Variants in WDR33 observed in about 807,000 individuals in gnomAD.
The protein encoded by WDR33 is pre-mRNA 3' end processing protein WDR33.
WDR33 carries 47 observed loss-of-function variants against 164.9 expected under a neutral mutation model. The observed-to-expected ratio is 0.29, with a 90% confidence interval of 0.23 to 0.36. WDR33 has a LOEUF of 0.36. Ranked by LOEUF, WDR33 falls within the 10% of genes least tolerant of loss-of-function variation. The pLI is 1.00. For missense variants in WDR33, 1,137 were observed against 1,754.1 expected, an observed-to-expected ratio of 0.65 and a Z score of 6.28; for synonymous variants, 505 against 589.0, an observed-to-expected ratio of 0.86 and a Z score of 2.06.
chr2:127,715,272 A>G (rs1686273271), intron 17 of WDR33, among the ~76,000 whole-genome samples: 2 of 151,590 alleles, frequency 1.3e-5, no homozygotes, highest in Admixed American at 1.3e-4. Flanking sequence ...TTCAGTAGAG[A>G]CGGGGTTTCA....
In WDR33 at chr2:127,702,191, C is replaced by G. The variant is rs748604528; in HGVS notation, c.*4132G>C. 1.4e-5 allele frequency: 17 copies of G among 1,214,092 alleles called. No homozygotes were observed. The South Asian group carries it at 6.6e-4, about 47-fold the overall frequency. 75.2% of individuals were successfully genotyped at this position (1,214,092 alleles called of 1,614,324 possible). A position where few individuals can be genotyped will look rare whatever the true frequency, so the allele number is the denominator to read the frequency against. Reference sequence around the variant, plus strand: ...TGCCCGTGTGAGGACCTCGCGCCCTCGCCGCTGGGGAAGTACGCGGAGCCA... The same window carrying G: ...TGCCCGTGTGAGGACCTCGCGCCCTGGCCGCTGGGGAAGTACGCGGAGCCA... On this transcript the variant is annotated 3_prime_UTR_variant, in exon 22 of 22. Coordinates refer to ENST00000322313, the MANE Select transcript of WDR33 (RefSeq NM_018383.5).
chr2:127,753,408 G>A (rs6715320), intron 7 of WDR33, among the ~76,000 whole-genome samples: 64,344 of 152,054 alleles, frequency 0.42, 14,821 homozygotes, highest in African/African-American at 0.6. Context: ...ATTCAAATGA[G>A]AAAAGTTCTG....
At position 127,716,274 on chromosome 2, in the gene WDR33, T is replaced by C. The variant is rs1558921349; in HGVS notation, c.2869+881A>G. 6.6e-6 allele frequency among the ~76,000 whole-genome samples: 1 copy of C among 152,176 alleles called. No homozygotes were observed. Reference sequence around the variant, plus strand: ...CTGACAAGGACTTTTCTTAATTGGATAAAACGGGGGCAAAAATCTTAACAT... The same window carrying C: ...CTGACAAGGACTTTTCTTAATTGGACAAAACGGGGGCAAAAATCTTAACAT... On this transcript the variant is annotated intron_variant, in intron 17 of 21. Coordinates refer to ENST00000322313, the MANE Select transcript of WDR33 (RefSeq NM_018383.5). This position sits in a 1 kb window ranked among gnomAD's most constrained non-coding sequence, Gnocchi z 4.5.
At chr2:127,767,231 C>T (rs937593052) in intron 4 of WDR33, among the ~76,000 whole-genome samples, 1 of 152,176 alleles carries the variant, frequency 6.6e-6, no homozygotes, top group East Asian at 1.9e-4. Context: ...TTGACACAAT[C>T]GTCTTTTCTC....
intron 7 of WDR33, among the ~76,000 whole-genome samples, chr2:127,753,515 T>C (rs1687431522): frequency 6.6e-6 from 1 of 152,200 alleles, no homozygotes. Context: ...ACACCTCACT[T>C]CACAGATGAG....
chr2:127,706,649 G>T lies in WDR33; in HGVS notation c.3782-97C>A. 1.8e-6 allele frequency: 2 copies of T among 1,106,740 alleles called. No homozygotes were observed. Among genetic ancestry groups the T allele is most frequent in the Non-Finnish European group, 1.3e-6 (1 of 776,484 alleles). 68.6% of individuals were successfully genotyped at this position (1,106,740 alleles called of 1,614,324 possible). Reference sequence around the variant, plus strand: ...TTTACTCTCTGATGACAATGGACCAGTTCTGGTGGGTGCCAGGGAGACTGG... The same window carrying T: ...TTTACTCTCTGATGACAATGGACCATTTCTGGTGGGTGCCAGGGAGACTGG... On this transcript the variant is annotated intron_variant, in intron 21 of 21. Transcript: ENST00000322313. The surrounding 1 kb of genome is among the most constrained non-coding windows in gnomAD (Gnocchi z 5.1).
At position 127,716,077 on chromosome 2, in the gene WDR33, T is replaced by C. The variant is rs1392506083; in HGVS notation, c.2869+1078A>G. ...ACTCAGGGGGTAAAAGACTCTCCTT[T>C]TGTTTCTCTAGTTCGCTGTGGGCCA... On this transcript the variant is annotated intron_variant, in intron 17 of 21. Coordinates refer to ENST00000322313, the MANE Select transcript of WDR33 (RefSeq NM_018383.5). The surrounding 1 kb of genome is among the most constrained non-coding windows in gnomAD (Gnocchi z 4.5). 1.3e-5 allele frequency among the ~76,000 whole-genome samples: 2 copies of C among 152,130 alleles called. No homozygotes were observed. Among genetic ancestry groups the C allele is most frequent in the Non-Finnish European group, 2.9e-5 (2 of 68,018 alleles).
chr2:127,783,231 T>C (rs910787856), intron 1 of WDR33, among the ~76,000 whole-genome samples: 4 of 152,240 alleles, frequency 2.6e-5, no homozygotes, highest in African/African-American at 7.2e-5. Flanking sequence ...TGTTACCTGA[T>C]ACTGTACTGG....
chr2:127,701,613 G>T lies in WDR33; in HGVS notation c.*4710C>A. On this transcript the variant is annotated 3_prime_UTR_variant, in exon 22 of 22. Coordinates refer to ENST00000322313, the MANE Select transcript of WDR33 (RefSeq NM_018383.5). ...GGCGGCCGCGGAGCCGCTGCTCGCC[G>T]CGGAGAAGGCGGAGGAGCCCGGGGA... 7.5e-7 allele frequency: 1 copy of T among 1,342,202 alleles called. No individual in the cohort carries two copies. Among genetic ancestry groups the T allele is most frequent in the Non-Finnish European group, 9.5e-7 (1 of 1,048,584 alleles). 83.1% of individuals were successfully genotyped at this position (1,342,202 alleles called of 1,614,324 possible).
At chr2:127,759,010 G>A (rs762085941) in intron 7 of WDR33, among the ~76,000 whole-genome samples, 4 of 152,040 alleles carry the variant, frequency 2.6e-5, no homozygotes, top group Non-Finnish European at 5.9e-5. Context: ...CATATTTCTC[G>A]TGTGTACAAT....
chr2:127,749,620 C>A (rs1687259356), intron 7 of WDR33, among the ~76,000 whole-genome samples: 1 of 149,330 alleles, frequency 6.7e-6, no homozygotes, highest in African/African-American at 2.5e-5. Context: ...TGAGATTGTG[C>A]CACTACACTC....
intron 7 of WDR33, among the ~76,000 whole-genome samples, chr2:127,754,786 A>G (rs1051802778): frequency 6.6e-6 from 1 of 151,844 alleles, no homozygotes; most frequent in Non-Finnish European, 1.5e-5. Context: ...GATGTCCTAT[A>G]TCCTTCTCAT....
Position 127,719,254 on chromosome 2 carries a change from A to G in WDR33, c.2760+11T>C. On this transcript the variant is annotated intron_variant, in intron 16 of 21. Transcript: ENST00000322313. This position sits in a 1 kb window ranked among gnomAD's most constrained non-coding sequence, Gnocchi z 6.5. Reference sequence around the variant, plus strand: ...TTCCCAATGTGCCCGTGAGTTGGAAATGAATAATACCTGGTTGAAGGGGGC... The same window carrying G: ...TTCCCAATGTGCCCGTGAGTTGGAAGTGAATAATACCTGGTTGAAGGGGGC... 1 of 1,406,236 alleles carries G rather than the reference A, an allele frequency of 7.1e-7. No individual in the cohort carries two copies. The highest frequency in any genetic ancestry group is 9.3e-7 in the Non-Finnish European group (1 of 1,079,932). 87.1% of individuals were successfully genotyped at this position (1,406,236 alleles called of 1,614,324 possible).
rs200273049 is a variant in WDR33, at chr2:127,707,229, T to TAAA, written c.3782-680_3782-678dup. On this transcript the variant is annotated intron_variant, in intron 21 of 21. Transcript: ENST00000322313. ...TTCTGTTGCAGCTTGAGAATATATT[T>TAAA]AAAAAAAAAAAAAAAAGAAAAAAAA... Among the ~76,000 whole-genome samples the TAAA allele has an allele frequency of 1.2e-3, 149 of 122,598 alleles. 1 individual carries two copies. The highest frequency in any genetic ancestry group is 3.8e-3 in the Middle Eastern group (1 of 260). The allele number at this position is 122,598 out of a possible 152,430, so 80.4% of individuals were successfully genotyped here. A position where few individuals can be genotyped will look rare whatever the true frequency, so the allele number is the denominator to read the frequency against.
chr2:127,734,341 C>T (rs953843102), intron 7 of WDR33, among the ~76,000 whole-genome samples: 4 of 152,160 alleles, frequency 2.6e-5, no homozygotes, highest in African/African-American at 7.2e-5. Flanking sequence ...TCCAGCTAAA[C>T]GTTCCTTCAG....
chr2:127,762,761 C>T lies in WDR33; in HGVS notation c.724+301G>A, dbSNP rs1455902728. 3.6e-6 allele frequency: 4 copies of T among 1,125,716 alleles called. No homozygotes were observed. The African/African-American group carries it at 6.5e-5, about 18-fold the overall frequency. 69.7% of individuals were successfully genotyped at this position (1,125,716 alleles called of 1,614,324 possible). On this transcript the variant is annotated intron_variant, in intron 7 of 21. Coordinates refer to ENST00000322313, the MANE Select transcript of WDR33 (RefSeq NM_018383.5). ...TGTCAATATGTTGGGAACAAGTACC[C>T]TGGCTACAAGGAAGGAAAAGGAATA...
Position 127,763,476 on chromosome 2 carries a change from T to G in WDR33, c.627-317A>C. The G allele has an allele frequency of 9.2e-7, 1 of 1,092,296 alleles. No homozygotes were observed. The highest frequency in any genetic ancestry group is 1.1e-6 in the Non-Finnish European group (1 of 895,908). The allele number at this position is 1,092,296 out of a possible 1,614,324, so 67.7% of individuals were successfully genotyped here. The stretch of plus-strand genomic sequence containing the variant: ...GGAAATCACATGAAGCTGCCTTAAG[T>G]GGTGAAAATAAATGGATTCTATTTT... On this transcript the variant is annotated intron_variant, in intron 6 of 21. Coordinates refer to ENST00000322313, the MANE Select transcript of WDR33 (RefSeq NM_018383.5). This position sits in a 1 kb window ranked among gnomAD's most constrained non-coding sequence, Gnocchi z 4.5.
At chr2:127,776,200 A>T (rs546893794) in intron 1 of WDR33, among the ~76,000 whole-genome samples, 2 of 152,184 alleles carry the variant, frequency 1.3e-5, no homozygotes, top group South Asian at 4.2e-4. Context: ...CAAAAGAATG[A>T]CCATGTGAGG....
chr2:127,720,043 G>A lies in WDR33; in HGVS notation c.1982C>T (p.Pro661Leu), dbSNP rs1368860630. The A allele has an allele frequency of 1.5e-5, 24 of 1,613,940 alleles. No individual in the cohort carries two copies. Among genetic ancestry groups the A allele is most frequent in the Middle Eastern group, 1.6e-4 (1 of 6,072 alleles). Residue 661 changes from proline to leucine, a missense_variant, in exon 16 of 22, where the codon CCG becomes CTG. Physicochemically the swap from Pro to Leu is moderately conservative, Grantham distance 98. Around this residue, in one of 9 missense-constraint regions of WDR33, gnomAD observed 867 missense variants for 1,073.0 expected, o/e 0.81. Coordinates refer to ENST00000322313, the MANE Select transcript of WDR33 (RefSeq NM_018383.5). The surrounding 1 kb of genome is among the most constrained non-coding windows in gnomAD (Gnocchi z 5.9). Reference sequence around the variant, plus strand: ...CTGAGGCCGTGGCAACCCCTGGGGCGGGCCCTGGGGCCCCTGTGGTCCCAT... The same window carrying A: ...CTGAGGCCGTGGCAACCCCTGGGGCAGGCCCTGGGGCCCCTGTGGTCCCAT... ...GFMGPQGPQG[P>L]PQGLPRPQDM...
Sources: allele counts gnomAD v4.1 joint callset (sites outside exome capture counted in the v4.1 genomes callset), GRCh38; gene constraint gnomAD v4.1.1; regional missense constraint gnomAD v4.1.1; non-coding constraint Gnocchi (gnomAD v3.1); transcripts MANE v1.5; gene names NCBI Gene and HGNC (gene_info 2026-07-23, HGNC 2026-07-21).